The following PHF14 variants were observed in gnomAD, a reference collection of about 807,000 sequenced individuals.
PHF14 encodes the protein PHD finger protein 14.
A neutral mutation model predicts 117.9 loss-of-function variants in PHF14; 55 were observed. The observed-to-expected ratio is 0.47, with a 90% CI of 0.38 to 0.58. The LOEUF (loss-of-function observed/expected upper bound fraction) is 0.58, where lower values mean the gene tolerates loss of function less well. Ranked by LOEUF, PHF14 falls within the 20% of genes least tolerant of loss-of-function variation. The pLI, the probability that PHF14 is intolerant of heterozygous loss-of-function variation, is 0.00. For synonymous variants in PHF14, 409 were observed against 368.6 expected (o/e 1.11, Z -1.26); for missense variants, 978 against 1,122.2 (o/e 0.87, Z 1.84).
chr7:11,088,433 G>A (rs1786507286), intron 16 of PHF14, among the ~76,000 whole-genome samples: 1 of 136,978 alleles, frequency 7.3e-6, no homozygotes, highest in Non-Finnish European at 1.6e-5. Flanking sequence ...CACACACACA[G>A]TCCTATTTCC....
In PHF14 at chr7:11,105,055, T is replaced by C. The variant is rs1295592557; in HGVS notation, c.2655-6295T>C. On this transcript the variant is annotated intron_variant, in intron 16 of 17. Coordinates refer to ENST00000634607, the MANE Select transcript of PHF14 (RefSeq NM_001007157.2). ...AGTTAAATGTTTGTTTTACACTGAC[T>C]ATGGAAACAGCACTATTTTAGATAC... 4 of 898,814 alleles carry C rather than the reference T, an allele frequency of 4.5e-6. No homozygotes were observed. In the Admixed American group the frequency reaches 2.5e-4, roughly 56 times the overall value. 55.7% of individuals were successfully genotyped at this position (898,814 alleles called of 1,614,324 possible). A position where few individuals can be genotyped will look rare whatever the true frequency, so the allele number is the denominator to read the frequency against.
intron 14 of PHF14, among the ~76,000 whole-genome samples, chr7:11,060,008 C>G (rs982187354): frequency 6.6e-6 from 1 of 152,076 alleles, no homozygotes; most frequent in Non-Finnish European, 1.5e-5. Context: ...GTAGCTGGGA[C>G]TACCAGCACT....
chr7:11,044,839 T>C (rs565011829), intron 13 of PHF14, among the ~76,000 whole-genome samples: 24 of 152,080 alleles, frequency 1.6e-4, no homozygotes, highest in African/African-American at 5.8e-4. Context: ...GGACCAGAAG[T>C]GATTTGGATT....
At chr7:11,116,039 G>C (rs10250744) in intron 17 of PHF14, among the ~76,000 whole-genome samples, 9 of 151,970 alleles carry the variant, frequency 5.9e-5, no homozygotes, top group Non-Finnish European at 1.2e-4. Flanking sequence ...GAAGAACCTT[G>C]AGACTATGTA....
intron 15 of PHF14, 28 bp from the exon 16 acceptor site, chr7:11,061,936 T>C (rs923016041): frequency 1.3e-6 from 2 of 1,552,510 alleles, no homozygotes; most frequent in African/African-American, 2.8e-5. Context: ...GTTTGTTATG[T>C]TTTATTTTAT....
chr7:11,049,443 C>G (rs1381516531), intron 13 of PHF14, among the ~76,000 whole-genome samples: 1 of 148,788 alleles, frequency 6.7e-6, no homozygotes, highest in Admixed American at 6.8e-5. Flanking sequence ...CCACTGGACT[C>G]CAGCCTGGGC....
Position 11,169,447 on chromosome 7 carries a change from T to C in PHF14, c.2804T>C (p.Ile935Thr). 6.6e-7 allele frequency: 1 copy of C among 1,515,510 alleles called. No homozygotes were observed. The highest frequency in any genetic ancestry group is 8.9e-7 in the Non-Finnish European group (1 of 1,118,158). 93.9% of individuals were successfully genotyped at this position (1,515,510 alleles called of 1,614,324 possible). The change falls in exon 18 of 18, where the codon ATA (isoleucine) becomes ACA (threonine). Residue 935 changes from isoleucine (I) to threonine (T), a missense_variant. Coordinates refer to ENST00000634607, the MANE Select transcript of PHF14 (RefSeq NM_001007157.2). ...EDENEAERKN[I>T]SQELNMEQKN... is the part of the protein sequence containing the mutation. ...GAAAATGAAGCTGAAAGAAAAAATATATCTCAGGAGCTCAACATGGAACAG... is the reference window on the plus strand; with the variant it reads ...GAAAATGAAGCTGAAAGAAAAAATACATCTCAGGAGCTCAACATGGAACAG...
rs1435818178 is a variant in PHF14, at chr7:11,013,636, T to C, written c.1046-111T>C. The C allele has an allele frequency of 5.9e-5, 33 of 560,692 alleles. No homozygotes were observed. In the East Asian group the frequency reaches 9.0e-4, roughly 15 times the overall value. The allele number at this position is 560,692 out of a possible 1,614,324, so 34.7% of individuals were successfully genotyped here. A position where few individuals can be genotyped will look rare whatever the true frequency, so the allele number is the denominator to read the frequency against. On this transcript the variant is annotated intron_variant, in intron 4 of 17. Coordinates refer to ENST00000634607, the MANE Select transcript of PHF14 (RefSeq NM_001007157.2). ...TTTTAATACGTTTCTTATAAACCAT[T>C]GGTGTTTCATATCTTTTTCCTCATC... is the stretch of plus-strand genomic sequence containing the variant.
intron 5 of PHF14, among the ~76,000 whole-genome samples, chr7:11,022,144 A>AT (rs1223743121): frequency 2.0e-5 from 3 of 152,132 alleles, no homozygotes; most frequent in African/African-American, 7.2e-5. Flanking sequence ...AACAACTGCA[A>AT]TTTTTTTCAG....
At chr7:11,142,893 A>G (rs1402405731) in intron 17 of PHF14, among the ~76,000 whole-genome samples, 1 of 152,154 alleles carries the variant, frequency 6.6e-6, no homozygotes, top group Non-Finnish European at 1.5e-5. Context: ...TGGCTAATAT[A>G]CAACCTCTCA....
chr7:11,033,714 A>G (rs1784209901), intron 7 of PHF14, among the ~76,000 whole-genome samples: 1 of 152,168 alleles, frequency 6.6e-6, no homozygotes, highest in South Asian at 2.1e-4. Context: ...GCAAGCATGA[A>G]TCCTATCTCT....
chr7:11,033,387 A>G (rs964066952), intron 7 of PHF14, among the ~76,000 whole-genome samples: 3 of 152,116 alleles, frequency 2.0e-5, no homozygotes, highest in African/African-American at 7.2e-5. Context: ...AAGATGGTTT[A>G]TCACCATCTT....
At chr7:11,085,158 G>C (rs1786339589) in intron 16 of PHF14, among the ~76,000 whole-genome samples, 1 of 152,048 alleles carries the variant, frequency 6.6e-6, no homozygotes. Flanking sequence ...CAAATTATCT[G>C]TCTTTGCCCT....
At chr7:11,042,106 T>C (rs1784521167) in intron 12 of PHF14, among the ~76,000 whole-genome samples, 1 of 151,960 alleles carries the variant, frequency 6.6e-6, no homozygotes, top group South Asian at 2.1e-4. Flanking sequence ...TCAATTGATG[T>C]GTGCGTTTTT....
intron 17 of PHF14, among the ~76,000 whole-genome samples, chr7:11,128,875 C>T (rs1198367838): frequency 6.6e-6 from 1 of 151,706 alleles, no homozygotes; most frequent in Non-Finnish European, 1.5e-5. Context: ...TTATAGTTTT[C>T]TAGTTGCCCT....
chr7:11,059,829 C>G (rs1785153128), intron 14 of PHF14, among the ~76,000 whole-genome samples: 1 of 152,010 alleles, frequency 6.6e-6, no homozygotes, highest in South Asian at 2.1e-4. Flanking sequence ...AATAGAGTAC[C>G]AAATTAGGGA....
At chr7:11,021,699 G>A (rs1783742247) in intron 5 of PHF14, among the ~76,000 whole-genome samples, 1 of 152,104 alleles carries the variant, frequency 6.6e-6, no homozygotes, top group African/African-American at 2.4e-5. Context: ...TTGAAGATGT[G>A]TATCTTTATA....
intron 4 of PHF14, 46 bp downstream of exon 4, chr7:10,990,893 GCT>G: frequency 7.0e-7 from 1 of 1,426,344 alleles, no homozygotes; most frequent in Non-Finnish European, 9.6e-7. Flanking sequence ...GCTGACTGTG[GCT>G]CTTTTACATT....
intron 17 of PHF14, among the ~76,000 whole-genome samples, chr7:11,162,072 C>CTTTTTTTT (rs564998009): frequency 7.4e-4 from 52 of 70,296 alleles, no homozygotes; most frequent in Non-Finnish European, 1.2e-3. Flanking sequence ...AAAAATATGT[C>CTTTTTTTT]TTTTTTTTTT....
Sources: gnomAD v4.1 joint callset for allele counts (sites outside exome capture counted in the v4.1 genomes callset) on GRCh38, gnomAD v4.1.1 for gene constraint, MANE v1.5 for transcripts, NCBI Gene and HGNC (gene_info 2026-07-23, HGNC 2026-07-21) for gene names.